SGCD: variants seen among roughly 807,000 people sequenced by gnomAD.
The protein encoded by SGCD is sarcoglycan delta.
Under a neutral mutation model 36.6 loss-of-function variants are expected in SGCD, and 18 were observed. That is an observed-to-expected ratio of 0.49 (90% CI 0.34 to 0.73). SGCD has a LOEUF of 0.73. Among genes scored for constraint, SGCD ranks in the 30% least tolerant of loss-of-function variants. The pLI, the probability that SGCD is intolerant of heterozygous loss-of-function variation, is 0.01. For synonymous variants in SGCD, 133 were observed against 130.6 expected, an observed-to-expected ratio of 1.02 and a Z score of -0.12; for missense variants, 387 against 346.7, an observed-to-expected ratio of 1.12 and a Z score of -0.92.
Position 155,895,359 on chromosome 5 carries a change from C to A in SGCD, c.-282+24935C>A, listed in dbSNP as rs1448257798. ...CAAAACCTGTTCATAGCAAAAGTTTCTTTCATTCTCAAATGTGATTGCTAC... is the reference window on the plus strand; with the variant it reads ...CAAAACCTGTTCATAGCAAAAGTTTATTTCATTCTCAAATGTGATTGCTAC... On this transcript the variant is annotated intron_variant, in intron 1 of 9. Transcript: ENST00000517913. Among the ~76,000 whole-genome samples the A allele has an allele frequency of 2.0e-5, 3 of 152,278 alleles. No homozygotes were observed. The South Asian group carries it at 6.2e-4, about 32-fold the overall frequency.
chr5:156,178,177 T>C (rs1303478855), intron 3 of SGCD, among the ~76,000 whole-genome samples: 1 of 152,140 alleles, frequency 6.6e-6, no homozygotes, highest in Non-Finnish European at 1.5e-5. Flanking sequence ...CTGTTTCTAC[T>C]GAATGCATGT....
At chr5:156,654,430 T>A (rs1202044084) in intron 7 of SGCD, among the ~76,000 whole-genome samples, 1 of 152,126 alleles carries the variant, frequency 6.6e-6, no homozygotes, top group East Asian at 1.9e-4. Flanking sequence ...CATACTTAGG[T>A]CTTTCTTCCT....
chr5:156,239,066 G>T (rs185174205), intron 3 of SGCD, among the ~76,000 whole-genome samples: 1 of 151,960 alleles, frequency 6.6e-6, no homozygotes, highest in Non-Finnish European at 1.5e-5. Flanking sequence ...TTCACTTTGG[G>T]TCTGGGTCCC....
chr5:155,728,026 T>TG, the SGCD span, among the ~76,000 whole-genome samples: 4 of 152,006 alleles, frequency 2.6e-5, no homozygotes, highest in Admixed American at 2.6e-4. Flanking sequence ...CGCGTTTCGC[T>TG]GGGGCTCCCT....
At chr5:155,934,951 C>T (rs995413874) in intron 1 of SGCD, among the ~76,000 whole-genome samples, 4 of 152,180 alleles carry the variant, frequency 2.6e-5, no homozygotes, top group South Asian at 2.1e-4. Context: ...CCAGAGCTAT[C>T]GTCAGCACCC....
intron 3 of SGCD, among the ~76,000 whole-genome samples, chr5:156,346,486 A>T (rs1005441721): frequency 6.6e-6 from 1 of 152,040 alleles, no homozygotes; most frequent in Non-Finnish European, 1.5e-5. Context: ...GTTTGTAGAG[A>T]TGGGTGTCTC....
At chr5:155,940,545 A>T (rs1303310054) in intron 1 of SGCD, among the ~76,000 whole-genome samples, 1 of 152,130 alleles carries the variant, frequency 6.6e-6, no homozygotes, top group Non-Finnish European at 1.5e-5. Flanking sequence ...CTAATATAGT[A>T]AGTACTAAAA....
chr5:155,870,266 A>C (rs1580961808), upstream of SGCD: 1 of 152,310 alleles, frequency 6.6e-6, no homozygotes, highest in African/African-American at 2.4e-5. Flanking sequence ...GTAATAATGA[A>C]GATTAAATGA....
intron 3 of SGCD, among the ~76,000 whole-genome samples, chr5:156,174,236 A>G (rs1449544731): frequency 6.6e-6 from 1 of 152,238 alleles, no homozygotes; most frequent in Non-Finnish European, 1.5e-5. Flanking sequence ...ACTATAAAAT[A>G]AATTGAAGTC....
At chr5:155,824,654 G>A in the SGCD span, among the ~76,000 whole-genome samples, 1 of 152,126 alleles carries the variant, frequency 6.6e-6, no homozygotes, top group South Asian at 2.1e-4. Flanking sequence ...GAGGCTCTGG[G>A]AAATTGGTTA....
At chr5:155,796,134 A>G in the SGCD span, among the ~76,000 whole-genome samples, 13 of 152,306 alleles carry the variant, frequency 8.5e-5, no homozygotes, top group Admixed American at 7.2e-4. Context: ...ACTGCATACA[A>G]TCATGAGAGA....
intron 3 of SGCD, among the ~76,000 whole-genome samples, chr5:156,508,204 G>C (rs550719088): frequency 7.8e-4 from 118 of 152,230 alleles, no homozygotes; most frequent in Middle Eastern, 3.4e-3. Context: ...TTAACCAACA[G>C]ACTGCCAGCT....
At chr5:156,503,145 A>G (rs1041705861) in intron 3 of SGCD, among the ~76,000 whole-genome samples, 4 of 152,332 alleles carry the variant, frequency 2.6e-5, no homozygotes, top group Admixed American at 2.6e-4. Flanking sequence ...GATTAGATTT[A>G]TATTTCTTGA....
At chr5:156,634,982 G>A (rs550588931) in intron 6 of SGCD, among the ~76,000 whole-genome samples, 29 of 152,092 alleles carry the variant, frequency 1.9e-4, no homozygotes, top group Non-Finnish European at 3.8e-4. Flanking sequence ...CCAATGCTTT[G>A]ACGGCTGAGG....
At chr5:156,744,658 C>T (rs749255041) in intron 7 of SGCD, among the ~76,000 whole-genome samples, 23 of 152,146 alleles carry the variant, frequency 1.5e-4, no homozygotes, top group Non-Finnish European at 2.5e-4. Context: ...CTATAATAAA[C>T]GAAATTATAT....
the SGCD span, among the ~76,000 whole-genome samples, chr5:155,790,506 T>C: frequency 6.6e-6 from 1 of 152,194 alleles, no homozygotes; most frequent in African/African-American, 2.4e-5. Flanking sequence ...AAGAATTTTA[T>C]AAATATGACA....
At chr5:156,248,542 G>C (rs1364109548) in intron 3 of SGCD, among the ~76,000 whole-genome samples, 1 of 151,866 alleles carries the variant, frequency 6.6e-6, no homozygotes, top group Non-Finnish European at 1.5e-5. Flanking sequence ...AAAAACCAAG[G>C]CTGTCTAAGT....
At position 155,975,609 on chromosome 5, in the gene SGCD, C is replaced by CTTTTTTTTTTTTTTTTTTT. The variant is rs763067309; in HGVS notation, c.-282+105204_-282+105222dup. ...TGTGTTATTTATTTTTCTTTCTTTC[C>CTTTTTTTTTTTTTTTTTTT]TTTTTTTTTTTTTTTTTTTTTTTTT... is the stretch of plus-strand genomic sequence containing the variant. On this transcript the variant is annotated intron_variant, in intron 1 of 9. Coordinates refer to the SGCD transcript ENST00000517913. Among the ~76,000 whole-genome samples, 5 of 28,008 alleles carry CTTTTTTTTTTTTTTTTTTT rather than the reference C, an allele frequency of 1.8e-4. 2 individuals are homozygous for CTTTTTTTTTTTTTTTTTTT. The highest frequency in any genetic ancestry group is 3.9e-4 in the African/African-American group (3 of 7,610). 18.4% of individuals were successfully genotyped at this position (28,008 alleles called of 152,430 possible). A position where few individuals can be genotyped will look rare whatever the true frequency, so the allele number is the denominator to read the frequency against.
intron 3 of SGCD, among the ~76,000 whole-genome samples, chr5:156,401,789 A>C (rs1461180118): frequency 1.3e-5 from 2 of 152,156 alleles, no homozygotes; most frequent in Non-Finnish European, 2.9e-5. Context: ...ACTATACATA[A>C]ATTCATGATT....
Sources: gnomAD v4.1 joint callset for allele counts (sites outside exome capture counted in the v4.1 genomes callset) on GRCh38, gnomAD v4.1.1 for gene constraint, MANE v1.5 for transcripts, NCBI Gene and HGNC (gene_info 2026-07-23, HGNC 2026-07-21) for gene names.